The following CCDC88C variants were observed in gnomAD, a reference collection of about 807,000 sequenced individuals.
The protein encoded by CCDC88C is coiled-coil and HOOK domain protein 88C.
Under a neutral mutation model 198.8 loss-of-function variants are expected in CCDC88C, and 131 were observed. The ratio of observed to expected loss-of-function variants is 0.66; its 90% CI spans 0.57 to 0.76. The LOEUF is 0.76. CCDC88C is among the 30% of genes least tolerant of loss of function. CCDC88C has a pLI of 0.00. For missense variants in CCDC88C, 2,553 were observed against 2,631.6 expected, an observed-to-expected ratio of 0.97 and a Z score of 0.65; for synonymous variants, 1,166 against 1,114.7, an observed-to-expected ratio of 1.05 and a Z score of -0.92.
chr14:91,289,021 G>T, intron 25 of CCDC88C, 84 bp downstream of exon 25: 1 of 1,132,528 alleles, frequency 8.8e-7, no homozygotes, highest in Non-Finnish European at 1.3e-6. Context: ...GCACGTTCCT[G>T]CACACGTGTG....
At chr14:91,412,357 G>A (rs959811140) in intron 2 of CCDC88C, among the ~76,000 whole-genome samples, 8 of 151,938 alleles carry the variant, frequency 5.3e-5, no homozygotes, top group Non-Finnish European at 1.0e-4. Context: ...ACCTCCACAT[G>A]GTAAAATCAC....
chr14:91,314,617 CAT>C (rs749439314), intron 14 of CCDC88C, among the ~76,000 whole-genome samples: 1 of 152,234 alleles, frequency 6.6e-6, no homozygotes, highest in African/African-American at 2.4e-5. Context: ...TTCCCCAAAA[CAT>C]CCTGGCATGA....
Position 91,408,862 on chromosome 14 carries a change from T to C in CCDC88C, c.162-95A>G, listed in dbSNP as rs577542575. ...ACCCAGCATCTTGTCCTCCAGTCCCTAGGTGACCATGAGGCTGTGCTGTGG... is the reference window on the plus strand; with the variant it reads ...ACCCAGCATCTTGTCCTCCAGTCCCCAGGTGACCATGAGGCTGTGCTGTGG... On this transcript the variant is annotated intron_variant, in intron 2 of 29. Transcript: ENST00000389857. 49 of 771,510 alleles carry C rather than the reference T, an allele frequency of 6.4e-5. No homozygotes were observed. The African/African-American group carries it at 7.0e-4, about 11-fold the overall frequency. 47.8% of individuals were successfully genotyped at this position (771,510 alleles called of 1,614,324 possible). A position where few individuals can be genotyped will look rare whatever the true frequency, so the allele number is the denominator to read the frequency against.
rs757427198 is a variant in CCDC88C at position 91,313,297 on chromosome 14, T to G, written c.2519A>C (p.Glu840Ala). The G allele has an allele frequency of 1.9e-6, 3 of 1,613,798 alleles. No homozygotes were observed. In the South Asian group the frequency reaches 3.3e-5, roughly 18 times the overall value. The change falls in exon 15 of 30, where the codon GAG becomes GCG. Residue 840 changes from glutamate to alanine, a missense_variant. Physicochemically the swap from Glu to Ala is moderately radical, Grantham distance 107. Around this residue, in one of 2 missense-constraint regions of CCDC88C, gnomAD observed 1,260 missense variants for 1,412.0 expected, o/e 0.89. Coordinates refer to ENST00000389857, the MANE Select transcript of CCDC88C (RefSeq NM_001080414.4). This position sits in a 1 kb window ranked among gnomAD's most constrained non-coding sequence, Gnocchi z 5.2. ...CACCTGCTGCCACAGCCGCTTGGCC[T>G]CCTTCTCCAGCAGCTTCTTATCCTT... ...LEKDKKLLEK[E>A]AKRLWQQVEL...
Position 91,368,991 on chromosome 14 carries a change from C to T in CCDC88C, c.271-9280G>A, listed in dbSNP as rs146951223. Among the ~76,000 whole-genome samples, 9 of 152,300 alleles carry T rather than the reference C, an allele frequency of 5.9e-5. No individual in the cohort carries two copies. In the East Asian group the frequency reaches 1.7e-3, roughly 29 times the overall value. ...TCCTCCTTCCTCCCTGACATTCATGCGAGGTGGCCAGGACAAGAATTATGA... is the reference window on the plus strand; with the variant it reads ...TCCTCCTTCCTCCCTGACATTCATGTGAGGTGGCCAGGACAAGAATTATGA... On this transcript the variant is annotated intron_variant, in intron 3 of 29. Coordinates refer to ENST00000389857, the MANE Select transcript of CCDC88C (RefSeq NM_001080414.4).
chr14:91,401,241 TATTATATATTATATAATATATAC>T (rs1356832462), intron 3 of CCDC88C, among the ~76,000 whole-genome samples: 21 of 145,814 alleles, frequency 1.4e-4, no homozygotes, highest in Admixed American at 4.2e-4. Context: ...TATATTTATA[TATTATATATTATATAATATATAC>T]ATTATATATA....
intron 2 of CCDC88C, among the ~76,000 whole-genome samples, chr14:91,412,596 G>A (rs1174898125): frequency 6.6e-6 from 1 of 151,956 alleles, no homozygotes; most frequent in African/African-American, 2.4e-5. Flanking sequence ...CACCACGCCT[G>A]GCTAATTTTT....
intron 12 of CCDC88C, among the ~76,000 whole-genome samples, chr14:91,323,175 G>A (rs1892429791): frequency 6.6e-6 from 1 of 152,038 alleles, no homozygotes; most frequent in African/African-American, 2.4e-5. Flanking sequence ...CAAAGTGCTG[G>A]GAATACAGGC....
intron 3 of CCDC88C, 124 bp from the exon 4 acceptor site, chr14:91,359,835 G>A (rs1313456648): frequency 1.2e-6 from 1 of 818,676 alleles, no homozygotes; most frequent in Non-Finnish European, 2.1e-6. Flanking sequence ...TGACTACGAA[G>A]GAGCTAAAAT....
intron 13 of CCDC88C, among the ~76,000 whole-genome samples, chr14:91,319,190 G>A (rs921034460): frequency 3.3e-5 from 5 of 152,210 alleles, no homozygotes; most frequent in African/African-American, 4.8e-5. Context: ...TGAGGCAGGT[G>A]GATGAGAGGT....
chr14:91,326,671 G>A (rs983913391), intron 10 of CCDC88C, among the ~76,000 whole-genome samples: 2 of 152,232 alleles, frequency 1.3e-5, no homozygotes, highest in Admixed American at 1.3e-4. Context: ...TCCTTAACAA[G>A]GAAGGAGTGG....
At position 91,312,315 on chromosome 14, in the gene CCDC88C, G is replaced by A. The variant is rs1038902542; in HGVS notation, c.2736+765C>T. Reference sequence around the variant, plus strand: ...AGGCAGGAGAATCGCTTGAACCCAGGAGGTGGAGCCTGCAGTGAGCTGGGG... The same window carrying A: ...AGGCAGGAGAATCGCTTGAACCCAGAAGGTGGAGCCTGCAGTGAGCTGGGG... On this transcript the variant is annotated intron_variant, in intron 15 of 29. Transcript: ENST00000389857. Among the ~76,000 whole-genome samples, 21 of 152,290 alleles carry A rather than the reference G, an allele frequency of 1.4e-4. 1 individual carries two copies. The highest frequency in any genetic ancestry group is 1.2e-3 in the Admixed American group (18 of 15,294).
intron 2 of CCDC88C, among the ~76,000 whole-genome samples, chr14:91,412,395 T>C (rs1392886419): frequency 6.6e-6 from 1 of 152,170 alleles, no homozygotes; most frequent in African/African-American, 2.4e-5. Context: ...CTCATCTGTA[T>C]ATATTCCTAT....
rs542273547 is a variant in CCDC88C at position 91,369,183 on chromosome 14, C to A, written c.271-9472G>T. On this transcript the variant is annotated intron_variant, in intron 3 of 29. Transcript: ENST00000389857. Reference sequence around the variant, plus strand: ...CAGAGCACTTTCTACAGCACAGGCCCGCCCCAAACCTTCAATAACGACTCA... The same window carrying A: ...CAGAGCACTTTCTACAGCACAGGCCAGCCCCAAACCTTCAATAACGACTCA... Among the ~76,000 whole-genome samples, 21 of 152,296 alleles carry A rather than the reference C, an allele frequency of 1.4e-4. No individual in the cohort carries two copies. In the East Asian group the frequency reaches 1.5e-3, roughly 11 times the overall value.
chr14:91,360,363 G>GGTTGAA (rs1567097899), intron 3 of CCDC88C, among the ~76,000 whole-genome samples: 1 of 151,888 alleles, frequency 6.6e-6, no homozygotes, highest in Non-Finnish European at 1.5e-5. Flanking sequence ...TGGAACAATC[G>GGTTGAA]CTTGAACCTG....
intron 3 of CCDC88C, among the ~76,000 whole-genome samples, chr14:91,377,104 C>A (rs1884477859): frequency 6.6e-6 from 1 of 151,724 alleles, no homozygotes; most frequent in Non-Finnish European, 1.5e-5. Context: ...TGAAAAAGCA[C>A]CCCCACCTGA....
intron 6 of CCDC88C, among the ~76,000 whole-genome samples, chr14:91,340,910 G>A (rs879612805): frequency 1.3e-5 from 2 of 152,136 alleles, no homozygotes; most frequent in Non-Finnish European, 2.9e-5. Flanking sequence ...GCTGGGGCAG[G>A]AGGACCACTT....
intron 3 of CCDC88C, among the ~76,000 whole-genome samples, chr14:91,397,191 T>TC (rs2139993267): frequency 6.6e-6 from 1 of 152,182 alleles, no homozygotes; most frequent in Non-Finnish European, 1.5e-5. Context: ...AAGCAGACCC[T>TC]GTGAGGCTGC....
chr14:91,366,953 A>T (rs1389035637), intron 3 of CCDC88C, among the ~76,000 whole-genome samples: 1 of 152,312 alleles, frequency 6.6e-6, no homozygotes, highest in South Asian at 2.1e-4. Context: ...TGGGAGAAAC[A>T]TTACAGTCCT....
Sources: allele counts gnomAD v4.1 joint callset (sites outside exome capture counted in the v4.1 genomes callset), GRCh38; gene constraint gnomAD v4.1.1; regional missense constraint gnomAD v4.1.1; non-coding constraint Gnocchi (gnomAD v3.1); transcripts MANE v1.5; gene names NCBI Gene and HGNC (gene_info 2026-07-23, HGNC 2026-07-21).